Variants in ADAMTS2 observed in about 807,000 individuals in gnomAD.
ADAMTS2 encodes the protein A disintegrin and metalloproteinase with thrombospondin motifs 2.
A neutral mutation model predicts 123.0 loss-of-function variants in ADAMTS2; 50 were observed. The ratio of observed to expected loss-of-function variants is 0.41; its 90% CI spans 0.32 to 0.51. The LOEUF (loss-of-function observed/expected upper bound fraction) is 0.51, where lower values mean the gene tolerates loss of function less well. Ranked by LOEUF, ADAMTS2 falls within the 20% of genes least tolerant of loss-of-function variation. ADAMTS2 has a pLI of 0.35. For missense variants in ADAMTS2, 1,494 were observed against 1,705.2 expected, an observed-to-expected ratio of 0.88 and a Z score of 2.18; for synonymous variants, 678 against 695.4, an observed-to-expected ratio of 0.98 and a Z score of 0.39.
rs375775300 is a variant in ADAMTS2, at chr5:179,344,118, G to A, written c.183C>T (p.Pro61=). 5 of 1,607,662 alleles carry A rather than the reference G, an allele frequency of 3.1e-6. No homozygotes were observed. Among genetic ancestry groups the A allele is most frequent in the Non-Finnish European group, 4.2e-6 (5 of 1,177,450 alleles). Residue 61 remains proline (P), a synonymous_variant, in exon 2 of 22, where the codon CCC becomes CCT. Transcript: ENST00000251582. ...AGCGGCCCTGGGCGTCAGTGCGCAC[G>A]GGCACCGCCAGGATGCGCTCCGCTC... ...GHGAERILAV[P]VRTDAQGRLV...
intron 4 of ADAMTS2, among the ~76,000 whole-genome samples, chr5:179,187,266 A>G (rs971207562): frequency 3.9e-5 from 6 of 152,208 alleles, no homozygotes; most frequent in African/African-American, 1.4e-4. Context: ...CCAAGGCATG[A>G]GACCGCAGTT....
rs1225323246 is a variant in ADAMTS2, at chr5:179,115,815, A to G, written c.3179-1491T>C. Among the ~76,000 whole-genome samples the G allele has an allele frequency of 3.3e-5, 5 of 151,616 alleles. No homozygotes were observed. ...CCTGAAGCTGTCCAAAACAGACAAG[A>G]CCCCCTTCCTTCCATCGAGGGCCAG... On this transcript the variant is annotated intron_variant, in intron 21 of 21. Transcript: ENST00000251582. This position sits in a 1 kb window ranked among gnomAD's most constrained non-coding sequence, Gnocchi z 4.4.
At chr5:179,232,681 G>A (rs976912605) in intron 3 of ADAMTS2, among the ~76,000 whole-genome samples, 12 of 152,186 alleles carry the variant, frequency 7.9e-5, no homozygotes, top group African/African-American at 2.9e-4. Flanking sequence ...CGATTCCCAC[G>A]CGTGTCTGCA....
At chr5:179,249,968 A>G (rs2113466814) in intron 3 of ADAMTS2, among the ~76,000 whole-genome samples, 1 of 152,366 alleles carries the variant, frequency 6.6e-6, no homozygotes, top group South Asian at 2.1e-4. Context: ...CAAATTCAGC[A>G]GCATATTAAA....
chr5:179,310,397 G>GC (rs1255564201), intron 2 of ADAMTS2, among the ~76,000 whole-genome samples: 2 of 152,176 alleles, frequency 1.3e-5, no homozygotes, highest in Admixed American at 6.5e-5. Flanking sequence ...CCTTTCCGAA[G>GC]CCCCCCCATA....
At chr5:179,238,287 G>A (rs998775836) in intron 3 of ADAMTS2, among the ~76,000 whole-genome samples, 18 of 152,202 alleles carry the variant, frequency 1.2e-4, no homozygotes, top group African/African-American at 3.6e-4. Flanking sequence ...GGTGTCCACG[G>A]ATTCACCCCC....
Position 179,180,820 on chromosome 5 carries a change from C to G in ADAMTS2, c.975+252G>C, listed in dbSNP as rs1241585573. Among the ~76,000 whole-genome samples the G allele has an allele frequency of 6.6e-6, 1 of 152,192 alleles. No individual in the cohort carries two copies. The highest frequency in any genetic ancestry group is 2.4e-5 in the African/African-American group (1 of 41,438). On this transcript the variant is annotated intron_variant, in intron 5 of 21. Coordinates refer to ENST00000251582, the MANE Select transcript of ADAMTS2 (RefSeq NM_014244.5). The surrounding 1 kb of genome is among the most constrained non-coding windows in gnomAD (Gnocchi z 4.6). ...GTGCCTCCCTGTGTGGCCCCCGTGG[C>G]CTGGTATGTCTCTTCCTCTTGGGAT...
chr5:179,308,663 A>C lies in ADAMTS2; in HGVS notation c.534+35104T>G, dbSNP rs1279254414. 6.6e-6 allele frequency among the ~76,000 whole-genome samples: 1 copy of C among 152,196 alleles called. No homozygotes were observed. Among genetic ancestry groups the C allele is most frequent in the Non-Finnish European group, 1.5e-5 (1 of 68,020 alleles). On this transcript the variant is annotated intron_variant, in intron 2 of 21. Transcript: ENST00000251582. This position sits in a 1 kb window ranked among gnomAD's most constrained non-coding sequence, Gnocchi z 6.6. ...GTATGTGGATTGGGGGAAATTCCCA[A>C]GGCCTCTCAGAGAAGTGCCTCCTTC...
intron 2 of ADAMTS2, among the ~76,000 whole-genome samples, chr5:179,300,439 G>GT (rs1756484307): frequency 6.6e-6 from 1 of 152,174 alleles, no homozygotes; most frequent in South Asian, 2.1e-4. Flanking sequence ...TGTGAATCAT[G>GT]TTTTGTCAGT....
intron 5 of ADAMTS2, among the ~76,000 whole-genome samples, chr5:179,169,146 T>C (rs1408075200): frequency 6.6e-6 from 1 of 152,190 alleles, no homozygotes; most frequent in Non-Finnish European, 1.5e-5. Flanking sequence ...TTAGGAAGTG[T>C]GGTCTTTGAG....
Position 179,260,113 on chromosome 5 carries a change from C to G in ADAMTS2, c.688+12798G>C, listed in dbSNP as rs1766176943. 6.6e-6 allele frequency among the ~76,000 whole-genome samples: 1 copy of G among 152,100 alleles called. No homozygotes were observed. The highest frequency in any genetic ancestry group is 1.5e-5 in the Non-Finnish European group (1 of 68,022). On this transcript the variant is annotated intron_variant, in intron 3 of 21. Coordinates refer to ENST00000251582, the MANE Select transcript of ADAMTS2 (RefSeq NM_014244.5). This position sits in a 1 kb window ranked among gnomAD's most constrained non-coding sequence, Gnocchi z 4.2. ...AAGTGGGACTAGCAAAGGCCCAGGGCCACCCAATGTCCCATGGGCCCATGG... is the reference window on the plus strand; with the variant it reads ...AAGTGGGACTAGCAAAGGCCCAGGGGCACCCAATGTCCCATGGGCCCATGG...
intron 2 of ADAMTS2, among the ~76,000 whole-genome samples, chr5:179,316,801 G>T (rs1452178717): frequency 2.0e-5 from 3 of 152,154 alleles, no homozygotes; most frequent in Non-Finnish European, 4.4e-5. Flanking sequence ...AATTAGCCAG[G>T]CATGGTGGTG....
chr5:179,316,766 A>G (rs1757012001), intron 2 of ADAMTS2, among the ~76,000 whole-genome samples: 1 of 152,166 alleles, frequency 6.6e-6, no homozygotes, highest in African/African-American at 2.4e-5. Flanking sequence ...GTGAGACCCC[A>G]TCTCTACAAA....
At chr5:179,207,773 A>T in intron 3 of ADAMTS2, 58 bp from the exon 4 acceptor site, 2 of 1,510,380 alleles carry the variant, frequency 1.3e-6, no homozygotes, top group South Asian at 2.3e-5. Context: ...ACACAAACCT[A>T]CCAGGCGCCA....
intron 2 of ADAMTS2, among the ~76,000 whole-genome samples, chr5:179,342,730 C>T (rs2127462969): frequency 6.6e-6 from 1 of 152,340 alleles, no homozygotes; most frequent in South Asian, 2.1e-4. Context: ...GCCTGACCAC[C>T]ACACACCCAA....
chr5:179,141,095 G>T (rs1046027849), intron 10 of ADAMTS2, among the ~76,000 whole-genome samples: 1 of 151,806 alleles, frequency 6.6e-6, no homozygotes, highest in Non-Finnish European at 1.5e-5. Flanking sequence ...GATTACAGGC[G>T]TGAGCCACCG....
chr5:179,146,484 G>T (rs1763251571), intron 10 of ADAMTS2, among the ~76,000 whole-genome samples: 1 of 152,180 alleles, frequency 6.6e-6, no homozygotes, highest in South Asian at 2.1e-4. Context: ...CAGTTGCCGT[G>T]GACGCCCTGA....
At chr5:179,227,787 G>T (rs74499329) in intron 3 of ADAMTS2, among the ~76,000 whole-genome samples, 3,755 of 152,218 alleles carry the variant, frequency 0.025, 149 homozygotes, top group African/African-American at 0.083. Flanking sequence ...AGGGCCAGGA[G>T]AGGAGAGATG....
At chr5:179,324,071 A>G (rs190348845) in intron 2 of ADAMTS2, among the ~76,000 whole-genome samples, 1 of 152,374 alleles carries the variant, frequency 6.6e-6, no homozygotes, top group Admixed American at 6.5e-5. Flanking sequence ...ATTCATTTAT[A>G]CTAATGAAAT....
Sources: gnomAD v4.1 joint callset for allele counts (sites outside exome capture counted in the v4.1 genomes callset) on GRCh38, gnomAD v4.1.1 for gene constraint, Gnocchi (gnomAD v3.1) non-coding constraint, MANE v1.5 for transcripts, NCBI Gene and HGNC (gene_info 2026-07-23, HGNC 2026-07-21) for gene names.